KIF3B: variants seen among roughly 807,000 people sequenced by gnomAD.
KIF3B encodes kinesin-like protein KIF3B.
A neutral mutation model predicts 74.3 loss-of-function variants in KIF3B; 38 were observed. The observed-to-expected ratio is 0.51, with a 90% CI of 0.39 to 0.67. KIF3B has a LOEUF of 0.67. Among genes scored for constraint, KIF3B ranks in the 30% least tolerant of loss-of-function variants. The probability of loss-of-function intolerance (pLI) is 0.00; values close to 1 mark genes in which losing one functional copy is unlikely to be tolerated. For missense variants in KIF3B, 649 were observed against 932.0 expected, an observed-to-expected ratio of 0.70 and a Z score of 3.95; for synonymous variants, 326 against 342.5, an observed-to-expected ratio of 0.95 and a Z score of 0.53.
chr20:32,316,247 A>T lies in KIF3B; in HGVS notation c.1434A>T (p.Gly478=). ...TGGAGAGTAAGTTGCTTGTTGGAGG[A>T]AAAAATATAGTAGATCATACGAATG... ...KAMESKLLVG[G]KNIVDHTNEQ... is the part of the protein sequence containing the mutation. The change falls in exon 3 of 9, where the codon GGA becomes GGT. Residue 478 remains glycine (G), a synonymous_variant. Coordinates refer to ENST00000375712, the MANE Select transcript of KIF3B (RefSeq NM_004798.4). 1 of 1,612,078 alleles carries T rather than the reference A, an allele frequency of 6.2e-7. No individual in the cohort carries two copies. Among genetic ancestry groups the T allele is most frequent in the Non-Finnish European group, 8.5e-7 (1 of 1,178,198 alleles).
At chr20:32,312,412 A>G (rs941879508) in intron 2 of KIF3B, among the ~76,000 whole-genome samples, 3 of 151,896 alleles carry the variant, frequency 2.0e-5, no homozygotes, top group African/African-American at 7.3e-5. Context: ...GCTGATACCT[A>G]TATCTTTAGT....
chr20:32,280,001 A>G (rs992868445), intron 1 of KIF3B, among the ~76,000 whole-genome samples: 2 of 152,236 alleles, frequency 1.3e-5, no homozygotes, highest in African/African-American at 4.8e-5. Context: ...CTCTGAAATG[A>G]TGAGAGGACT....
chr20:32,318,736 A>C (rs927234091), intron 5 of KIF3B, among the ~76,000 whole-genome samples: 1 of 152,220 alleles, frequency 6.6e-6, no homozygotes, highest in East Asian at 1.9e-4. Flanking sequence ...GTTTATATAC[A>C]TTCCGATTAT....
intron 1 of KIF3B, among the ~76,000 whole-genome samples, chr20:32,283,014 C>CT (rs1393246331): frequency 1.3e-5 from 2 of 152,118 alleles, no homozygotes; most frequent in Non-Finnish European, 2.9e-5. Flanking sequence ...ATCACTGCCA[C>CT]TTGTTTATTT....
At chr20:32,288,194 A>G (rs942480271) in intron 1 of KIF3B, among the ~76,000 whole-genome samples, 4 of 151,876 alleles carry the variant, frequency 2.6e-5, no homozygotes, top group African/African-American at 9.7e-5. Context: ...AAGTATCTTT[A>G]AAAAACAGAT....
intron 1 of KIF3B, among the ~76,000 whole-genome samples, chr20:32,295,336 A>G (rs1368854702): frequency 2.6e-4 from 39 of 149,210 alleles, no homozygotes; most frequent in Non-Finnish European, 1.5e-4. Flanking sequence ...TCTGTCGCCC[A>G]GGCTGGAGTG....
At position 32,331,226 on chromosome 20, in the gene KIF3B, T is replaced by C. The variant is rs752789021; in HGVS notation, c.2151T>C (p.Pro717=). The C allele has an allele frequency of 1.9e-6, 3 of 1,613,022 alleles. No homozygotes were observed. In the African/African-American group the frequency reaches 4.0e-5, roughly 22 times the overall value. Reference sequence around the variant, plus strand: ...AACATGTGTTTGACTTTTGCAGGCCTAAAAGTGGAAGGAAGTCGGGATCCT... The same window carrying C: ...AACATGTGTTTGACTTTTGCAGGCCCAAAAGTGGAAGGAAGTCGGGATCCT... The part of the protein sequence containing the change: ...STANKKSKAR[P]KSGRKSGSSS... The change falls in exon 9 of 9, where the codon CCT becomes CCC. Residue 717 remains proline (P), a synonymous_variant. Coordinates refer to ENST00000375712, the MANE Select transcript of KIF3B (RefSeq NM_004798.4).
chr20:32,280,607 C>T (rs6057555), intron 1 of KIF3B, among the ~76,000 whole-genome samples: 58 of 146,112 alleles, frequency 4.0e-4, no homozygotes, highest in Non-Finnish European at 7.3e-4. Flanking sequence ...CCCAGCTACT[C>T]GGGAGGCTGA....
At position 32,334,067 on chromosome 20, in the gene KIF3B, C is replaced by T. The variant is rs973863845; in HGVS notation, c.*2748C>T. On this transcript the variant is annotated 3_prime_UTR_variant, in exon 9 of 9. Transcript: ENST00000375712. The stretch of plus-strand genomic sequence containing the variant: ...TAGTCATACCTAGAATGTTCTGAGC[C>T]GTCTGAGGGCCTTCATGCCGGCAGC... 4 of 152,610 alleles carry T rather than the reference C, an allele frequency of 2.6e-5. No homozygotes were observed. The highest frequency in any genetic ancestry group is 2.1e-4 in the South Asian group (1 of 4,832). The allele number at this position is 152,610 out of a possible 1,614,324, so 9.5% of individuals were successfully genotyped here.
chr20:32,310,604 G>C lies in KIF3B; in HGVS notation c.827G>C (p.Gly276Ala). Residue 276 changes from glycine to alanine, a missense_variant, in exon 2 of 9, where the codon GGT becomes GCT. By Grantham distance (60) the Gly-to-Ala change is moderately conservative. Coordinates refer to ENST00000375712, the MANE Select transcript of KIF3B (RefSeq NM_004798.4). The surrounding 1 kb of genome is among the most constrained non-coding windows in gnomAD (Gnocchi z 6.5). ...ATCAACCTCTCCCTTTCCGCTTTGG[G>C]TAATGTCATCTCTGCTCTAGTGGAC... ...TKINLSLSAL[G>A]NVISALVDGK... The C allele has an allele frequency of 6.2e-7, 1 of 1,614,124 alleles. No homozygotes were observed. The highest frequency in any genetic ancestry group is 8.5e-7 in the Non-Finnish European group (1 of 1,180,028).
chr20:32,307,906 A>G (rs1435001958), intron 1 of KIF3B, among the ~76,000 whole-genome samples: 2 of 140,378 alleles, frequency 1.4e-5, no homozygotes, highest in African/African-American at 2.6e-5. Context: ...GTGACAAAGC[A>G]GGACTCTGTC....
intron 5 of KIF3B, among the ~76,000 whole-genome samples, chr20:32,317,945 A>G (rs781031216): frequency 2.6e-5 from 4 of 152,138 alleles, no homozygotes; most frequent in African/African-American, 4.8e-5. Context: ...CCAGCCCACA[A>G]TACTGTTTTT....
intron 1 of KIF3B, among the ~76,000 whole-genome samples, chr20:32,292,083 A>G (rs888736536): frequency 6.6e-6 from 1 of 151,816 alleles, no homozygotes; most frequent in African/African-American, 2.4e-5. Flanking sequence ...CCACAGGCAT[A>G]TACCACCGCA....
intron 8 of KIF3B, 57 bp downstream of exon 8, chr20:32,330,376 A>G: frequency 1.3e-6 from 2 of 1,486,636 alleles, no homozygotes; most frequent in Non-Finnish European, 9.3e-7. Flanking sequence ...AGGACAAACC[A>G]AAGCAAGAAT....
intron 1 of KIF3B, 115 bp downstream of exon 1, chr20:32,277,880 G>A (rs759471521): frequency 1.5e-4 from 24 of 160,498 alleles, no homozygotes; most frequent in Non-Finnish European, 3.1e-4. Context: ...GCGAGCCGGA[G>A]CATCCTCTGC....
At chr20:32,302,872 C>T (rs1368493092) in intron 1 of KIF3B, among the ~76,000 whole-genome samples, 1 of 152,216 alleles carries the variant, frequency 6.6e-6, no homozygotes, top group Non-Finnish European at 1.5e-5. Flanking sequence ...CTGTCTCTTT[C>T]TTCCCATCTG....
intron 1 of KIF3B, among the ~76,000 whole-genome samples, chr20:32,305,293 G>A (rs1195796300): frequency 1.3e-5 from 2 of 152,016 alleles, no homozygotes; most frequent in South Asian, 2.1e-4. Context: ...GAGCCTGGGA[G>A]GTCAAGGCTG....
chr20:32,327,946 C>T (rs1016368542), intron 7 of KIF3B, among the ~76,000 whole-genome samples: 9 of 151,432 alleles, frequency 5.9e-5, no homozygotes, highest in Admixed American at 6.6e-5. Context: ...ACTAAAAATA[C>T]AAAAATTAGC....
intron 1 of KIF3B, among the ~76,000 whole-genome samples, chr20:32,291,539 T>C (rs1277974949): frequency 6.6e-6 from 1 of 151,990 alleles, no homozygotes; most frequent in Non-Finnish European, 1.5e-5. Context: ...TTTAAAATAA[T>C]AACATTTTTT....
Sources: allele counts gnomAD v4.1 joint callset (sites outside exome capture counted in the v4.1 genomes callset), GRCh38; gene constraint gnomAD v4.1.1; non-coding constraint Gnocchi (gnomAD v3.1); transcripts MANE v1.5; gene names NCBI Gene and HGNC (gene_info 2026-07-23, HGNC 2026-07-21).